The following CTNNA3 variants were observed in gnomAD, a reference collection of about 807,000 sequenced individuals.
CTNNA3 encodes the protein catenin alpha-3.
In CTNNA3, 76 loss-of-function variants were observed where a neutral mutation model predicts 95.7. That is an observed-to-expected ratio of 0.79 (90% CI 0.66 to 0.96). CTNNA3 has a LOEUF of 0.96. Ranked by LOEUF, CTNNA3 falls within the 40% of genes least tolerant of loss-of-function variation. The pLI, the probability that CTNNA3 is intolerant of heterozygous loss-of-function variation, is 0.00. For missense variants in CTNNA3, 1,191 were observed against 1,089.8 expected, an observed-to-expected ratio of 1.09 and a Z score of -1.31; for synonymous variants, 431 against 374.4, an observed-to-expected ratio of 1.15 and a Z score of -1.74.
intron 11 of CTNNA3, among the ~76,000 whole-genome samples, chr10:66,483,588 T>G (rs543489078): frequency 4.6e-5 from 7 of 152,194 alleles, no homozygotes; most frequent in Non-Finnish European, 8.8e-5. Context: ...AAAGGGTCTT[T>G]ATTTGTTGTC....
intron 7 of CTNNA3, among the ~76,000 whole-genome samples, chr10:67,033,481 T>C (rs1853858261): frequency 6.6e-6 from 1 of 152,198 alleles, no homozygotes; most frequent in Admixed American, 6.5e-5. Flanking sequence ...CTGAAAACCA[T>C]TACTGTATAC....
intron 1 of CTNNA3, among the ~76,000 whole-genome samples, chr10:67,726,662 T>TTA (rs1564841403): frequency 5.3e-5 from 4 of 74,812 alleles, no homozygotes; most frequent in South Asian, 4.6e-4. Context: ...ATATATTATA[T>TTA]ATTATATTAA....
intron 10 of CTNNA3, among the ~76,000 whole-genome samples, chr10:66,548,275 T>C (rs1368413315): frequency 6.6e-6 from 1 of 152,184 alleles, no homozygotes; most frequent in Non-Finnish European, 1.5e-5. Context: ...TCATTGCTTA[T>C]ATCTTTTTTC....
intron 7 of CTNNA3, among the ~76,000 whole-genome samples, chr10:66,938,847 T>G (rs1404736506): frequency 1.3e-5 from 2 of 152,176 alleles, no homozygotes; most frequent in African/African-American, 4.8e-5. Context: ...AATATTTAAG[T>G]CTAGCTGCGA....
At chr10:67,621,586 A>G (rs937924371) in intron 2 of CTNNA3, among the ~76,000 whole-genome samples, 2 of 151,972 alleles carry the variant, frequency 1.3e-5, no homozygotes, top group Non-Finnish European at 2.9e-5. Context: ...TGTCTCTACT[A>G]AAAATACAAA....
intron 7 of CTNNA3, among the ~76,000 whole-genome samples, chr10:66,990,177 C>G (rs1335337852): frequency 6.6e-6 from 1 of 152,108 alleles, no homozygotes; most frequent in Non-Finnish European, 1.5e-5. Flanking sequence ...GTTGAATCTG[C>G]TTCATGAACC....
rs10997554 is a variant in CTNNA3, at chr10:67,182,054, T to C, written c.844-1534A>G. Among the ~76,000 whole-genome samples the C allele has an allele frequency of 2.4e-3, 365 of 152,234 alleles. 14 individuals are homozygous for C. In the East Asian group the frequency reaches 0.061, roughly 25 times the overall value. ...TGAAATAAAAGAGGATACAAACAAA[T>C]GGAAGAACTTTCCATGCTCATGGGT... On this transcript the variant is annotated intron_variant, in intron 6 of 17. Transcript: ENST00000433211.
intron 7 of CTNNA3, among the ~76,000 whole-genome samples, chr10:66,990,233 G>A (rs1181276107): frequency 2.6e-5 from 4 of 152,110 alleles, no homozygotes; most frequent in Non-Finnish European, 5.9e-5. Context: ...TGGGGCCAAT[G>A]TGTCCCATTG....
At chr10:66,499,561 G>A (rs10997195) in intron 11 of CTNNA3, among the ~76,000 whole-genome samples, 4,958 of 152,110 alleles carry the variant, frequency 0.033, 277 homozygotes, top group East Asian at 0.22. Flanking sequence ...CTCCTGGGAC[G>A]ACAGGGAAAA....
intron 7 of CTNNA3, among the ~76,000 whole-genome samples, chr10:67,065,598 A>G (rs1035527517): frequency 6.6e-6 from 1 of 152,128 alleles, no homozygotes; most frequent in Admixed American, 6.6e-5. Flanking sequence ...GCATTCTAAC[A>G]TGAAGGAAGT....
chr10:66,030,877 G>A (rs1349829696), intron 15 of CTNNA3, among the ~76,000 whole-genome samples: 7 of 151,946 alleles, frequency 4.6e-5, no homozygotes, highest in South Asian at 2.1e-4. Flanking sequence ...ATTAAAATGC[G>A]GGCAAAGGAC....
chr10:66,529,288 C>T (rs1841375491), intron 10 of CTNNA3, among the ~76,000 whole-genome samples: 1 of 151,656 alleles, frequency 6.6e-6, no homozygotes, highest in South Asian at 2.1e-4. Context: ...GCCACAGTGC[C>T]CGGCTAATTT....
At chr10:66,688,767 C>T (rs990293178) in intron 9 of CTNNA3, among the ~76,000 whole-genome samples, 8 of 151,426 alleles carry the variant, frequency 5.3e-5, no homozygotes, top group Non-Finnish European at 7.4e-5. Flanking sequence ...GTCAGGAGAT[C>T]GAGACCATCC....
At chr10:67,121,347 C>G (rs1325524102) in intron 7 of CTNNA3, among the ~76,000 whole-genome samples, 1 of 151,922 alleles carries the variant, frequency 6.6e-6, no homozygotes, top group Admixed American at 6.6e-5. Flanking sequence ...TGATAGACAC[C>G]AGAATAAATC....
chr10:67,222,430 C>G (rs1361368525), intron 5 of CTNNA3, among the ~76,000 whole-genome samples: 2 of 152,178 alleles, frequency 1.3e-5, no homozygotes, highest in Non-Finnish European at 2.9e-5. Flanking sequence ...GATAATGATA[C>G]TTCTGCCGAC....
intron 7 of CTNNA3, among the ~76,000 whole-genome samples, chr10:66,988,235 A>C (rs937525402): frequency 1.8e-4 from 27 of 152,092 alleles, no homozygotes; most frequent in Non-Finnish European, 7.4e-5. Flanking sequence ...CCCCAAAATA[A>C]TACTACCTCA....
chr10:67,143,892 T>C (rs902304389), intron 7 of CTNNA3, among the ~76,000 whole-genome samples: 1 of 152,236 alleles, frequency 6.6e-6, no homozygotes, highest in Non-Finnish European at 1.5e-5. Flanking sequence ...ATGTTCTTAG[T>C]GGCATCAAAA....
intron 13 of CTNNA3, among the ~76,000 whole-genome samples, chr10:66,183,167 C>T (rs144156754): frequency 6.6e-4 from 100 of 152,346 alleles, no homozygotes; most frequent in Middle Eastern, 6.8e-3. Context: ...AGTCCATGCC[C>T]TAGCACAGGA....
chr10:66,792,514 T>C (rs1841013354), intron 7 of CTNNA3, among the ~76,000 whole-genome samples: 1 of 152,110 alleles, frequency 6.6e-6, no homozygotes, highest in South Asian at 2.1e-4. Flanking sequence ...CAGACCACAG[T>C]TTGAGTAGCA....
Sources: gnomAD v4.1 joint callset for allele counts (sites outside exome capture counted in the v4.1 genomes callset) on GRCh38, gnomAD v4.1.1 for gene constraint, MANE v1.5 for transcripts, NCBI Gene and HGNC (gene_info 2026-07-23, HGNC 2026-07-21) for gene names.